Variants in ZNF722 observed in about 807,000 individuals in gnomAD.
ZNF722 encodes the protein zinc finger protein 479 pseudogene.
the ZNF722 span, among the ~76,000 whole-genome samples, chr7:64,011,087 A>AT: frequency 2.0e-5 from 3 of 148,956 alleles, no homozygotes; most frequent in East Asian, 2.0e-4. Flanking sequence ...TTTGCTTTCC[A>AT]TTTTTTTGGT....
chr7:64,008,737 G>A, the ZNF722 span, among the ~76,000 whole-genome samples: 26 of 152,172 alleles, frequency 1.7e-4, no homozygotes, highest in East Asian at 4.4e-3. Flanking sequence ...GCTCTTTTTT[G>A]GTTCCATATG....
chr7:64,006,437 G>A, the ZNF722 span: 1 of 698,868 alleles, frequency 1.4e-6, no homozygotes, highest in African/African-American at 1.9e-5. Context: ...TTTCTGAGAG[G>A]CTCGAGTCAT....
At chr7:64,015,069 G>A in the ZNF722 span, 1 of 1,369,612 alleles carries the variant, frequency 7.3e-7, no homozygotes, top group Middle Eastern at 1.8e-4. Flanking sequence ...TCCAGAGCAG[G>A]GCATAAAACA....
the ZNF722 span, among the ~76,000 whole-genome samples, chr7:64,004,410 T>TAAA: frequency 0.034 from 1,179 of 35,126 alleles, 43 homozygotes; most frequent in Non-Finnish European, 0.042. Context: ...CTCTGTCTCT[T>TAAA]AAAAAAAAAA....
At chr7:64,014,612 G>A in the ZNF722 span, among the ~76,000 whole-genome samples, 3 of 151,890 alleles carry the variant, frequency 2.0e-5, no homozygotes, top group African/African-American at 4.8e-5. Flanking sequence ...TCTTATTACT[G>A]GTCAATAACT....
At chr7:63,999,485 G>C in the ZNF722 span, among the ~76,000 whole-genome samples, 5 of 152,300 alleles carry the variant, frequency 3.3e-5, no homozygotes, top group East Asian at 9.6e-4. Context: ...TTTGTGGGTT[G>C]TGATCCATGG....
the ZNF722 span, chr7:63,998,920 CA>C: frequency 0.75 from 1,175,430 of 1,565,148 alleles, 444,225 homozygotes; most frequent in Admixed American, 0.81. Flanking sequence ...TCCTAGAGGC[CA>C]AGCCTCTGTG....
chr7:64,017,635 G>A, the ZNF722 span, among the ~76,000 whole-genome samples: 6 of 152,140 alleles, frequency 3.9e-5, no homozygotes, highest in African/African-American at 2.4e-5. Flanking sequence ...TGTAATGAAT[G>A]TGAAAAAACA....
the ZNF722 span, among the ~76,000 whole-genome samples, chr7:64,010,817 T>A: frequency 1.3e-5 from 2 of 152,172 alleles, no homozygotes; most frequent in African/African-American, 4.8e-5. Flanking sequence ...TTCTGTCTTG[T>A]TGATCTGTCT....
chr7:64,016,650 T>C, the ZNF722 span, among the ~76,000 whole-genome samples: 1 of 152,230 alleles, frequency 6.6e-6, no homozygotes, highest in East Asian at 1.9e-4. Flanking sequence ...CAAACCTGAA[T>C]AAATGTAAGA....
chr7:64,003,262 A>T, the ZNF722 span, among the ~76,000 whole-genome samples: 12,096 of 152,138 alleles, frequency 0.08, 730 homozygotes, highest in African/African-American at 0.16. Flanking sequence ...TTATATTTTA[A>T]TAGTTATGGA....
the ZNF722 span, chr7:64,015,429 T>G: frequency 1.3e-6 from 2 of 1,592,536 alleles, no homozygotes; most frequent in South Asian, 2.2e-5. Flanking sequence ...CGGCAAATCC[T>G]TTAAACGCTC....
At chr7:64,006,596 C>T in the ZNF722 span, among the ~76,000 whole-genome samples, 3 of 152,180 alleles carry the variant, frequency 2.0e-5, no homozygotes, top group South Asian at 4.1e-4. Context: ...CACAAACTGA[C>T]TGCTTTGCCA....
the ZNF722 span, among the ~76,000 whole-genome samples, chr7:64,004,425 AATATAT>A: frequency 6.9e-4 from 42 of 61,106 alleles, no homozygotes; most frequent in East Asian, 2.0e-3. Context: ...AAAAAAAAAA[AATATAT>A]ATATATATAT....
At chr7:63,999,142 A>G in the ZNF722 span, 5 of 976,496 alleles carry the variant, frequency 5.1e-6, no homozygotes, top group Non-Finnish European at 6.2e-6. Flanking sequence ...CTCGGCTTTT[A>G]GTCCCCTCGA....
At chr7:64,006,288 A>G in the ZNF722 span, 6,153 of 1,313,352 alleles carry the variant, frequency 4.7e-3, 29 homozygotes, top group Middle Eastern at 5.5e-3. Context: ...CTTGGAATAT[A>G]AAGAGAAATG....
At chr7:64,006,224 G>T in the ZNF722 span, 2 of 1,258,742 alleles carry the variant, frequency 1.6e-6, no homozygotes, top group Admixed American at 4.9e-5. Flanking sequence ...AATAAAACAG[G>T]TATTGCTGAC....
At chr7:64,014,096 A>G in the ZNF722 span, among the ~76,000 whole-genome samples, 1 of 151,540 alleles carries the variant, frequency 6.6e-6, no homozygotes, top group South Asian at 2.1e-4. Flanking sequence ...TTGCTTAAAT[A>G]TGTGTTATGG....
chr7:64,006,104 T>A, the ZNF722 span: 1 of 597,326 alleles, frequency 1.7e-6, no homozygotes, highest in Non-Finnish European at 2.6e-6. Context: ...AAAGGTCTGT[T>A]ATGAATCAAC....
Sources: allele counts gnomAD v4.1 joint callset (sites outside exome capture counted in the v4.1 genomes callset), GRCh38; gene constraint gnomAD v4.1.1; transcripts MANE v1.5; gene names NCBI Gene and HGNC (gene_info 2026-07-23, HGNC 2026-07-21).